Variants in PTPN14 observed in about 807,000 individuals in gnomAD.
The protein encoded by PTPN14 is protein tyrosine phosphatase non-receptor type 14, also known as tyrosine-protein phosphatase non-receptor type 14.
PTPN14 carries 53 observed loss-of-function variants against 126.8 expected under a neutral mutation model. The observed-to-expected ratio is 0.42, with a 90% CI of 0.34 to 0.53. The LOEUF is 0.53. Among genes scored for constraint, PTPN14 ranks in the 20% least tolerant of loss-of-function variants. The pLI is 0.08. For synonymous variants in PTPN14, 630 were observed against 599.3 expected, an observed-to-expected ratio of 1.05 and a Z score of -0.75; for missense variants, 1,257 against 1,552.9, an observed-to-expected ratio of 0.81 and a Z score of 3.20.
At chr1:214,402,984 T>C (rs1324431917) in intron 5 of PTPN14, 31 bp from the exon 6 acceptor site, 4 of 1,606,120 alleles carry the variant, frequency 2.5e-6, no homozygotes, top group Admixed American at 3.3e-5. Context: ...TAAGGTCACA[T>C]GAGGGTGTGG....
Position 214,384,398 on chromosome 1 carries a change from C to T in PTPN14, c.1457G>A (p.Ser486Asn). Reference sequence around the variant, plus strand: ...GTGCCTCTCCCGCATCTCCGGTTGGCTGTACACCAGATCCTCTGGCTGGTT... The same window carrying T: ...GTGCCTCTCCCGCATCTCCGGTTGGTTGTACACCAGATCCTCTGGCTGGTT... ...AYNQPEDLVY[S>N]QPEMRERHPY... The change falls in exon 13 of 19, where the codon AGC becomes AAC. Residue 486 changes from serine (S) to asparagine (N), a missense_variant. Around this residue, in one of 3 missense-constraint regions of PTPN14, gnomAD observed 1,021 missense variants for 1,183.3 expected, o/e 0.86. Transcript: ENST00000366956. This position sits in a 1 kb window ranked among gnomAD's most constrained non-coding sequence, Gnocchi z 5.3. 1 of 1,614,158 alleles carries T rather than the reference C, an allele frequency of 6.2e-7. No homozygotes were observed. Among genetic ancestry groups the T allele is most frequent in the Non-Finnish European group, 8.5e-7 (1 of 1,180,030 alleles).
chr1:214,486,991 C>G (rs1318823870), intron 1 of PTPN14, among the ~76,000 whole-genome samples: 1 of 151,932 alleles, frequency 6.6e-6, no homozygotes, highest in African/African-American at 2.4e-5. Context: ...CCCAAAGCAT[C>G]TATTTTTTTT....
chr1:214,423,836 C>A (rs1027573181), intron 3 of PTPN14, among the ~76,000 whole-genome samples: 1 of 151,918 alleles, frequency 6.6e-6, no homozygotes, highest in African/African-American at 2.4e-5. Flanking sequence ...CAAAAATTAG[C>A]CAGGCATGGT....
chr1:214,521,904 T>TA (rs1353442859), intron 1 of PTPN14, among the ~76,000 whole-genome samples: 1 of 151,746 alleles, frequency 6.6e-6, no homozygotes, highest in African/African-American at 2.4e-5. Context: ...TTTTTTTTTT[T>TA]ACTTAATCTT....
intron 5 of PTPN14, among the ~76,000 whole-genome samples, chr1:214,405,978 TC>T (rs1355624080): frequency 6.6e-5 from 10 of 151,992 alleles, no homozygotes; most frequent in Non-Finnish European, 1.0e-4. Context: ...CAACCACAGG[TC>T]ACAGTGCACC....
At chr1:214,370,483 C>T (rs1313696037) in intron 16 of PTPN14, among the ~76,000 whole-genome samples, 3 of 151,944 alleles carry the variant, frequency 2.0e-5, no homozygotes, top group African/African-American at 4.8e-5. Flanking sequence ...CTGTAGGTCA[C>T]GTTACTCCTT....
At chr1:214,520,973 G>C (rs960730947) in intron 1 of PTPN14, among the ~76,000 whole-genome samples, 4 of 151,848 alleles carry the variant, frequency 2.6e-5, no homozygotes, top group African/African-American at 4.8e-5. Flanking sequence ...GTAACACTGG[G>C]GTAAATAAAA....
chr1:214,384,279 T>C lies in PTPN14; in HGVS notation c.1576A>G (p.Ser526Gly). Reference protein sequence around the residue: ...QRNPKNNVVPSKPGASAISHT... With the variant: ...QRNPKNNVVPGKPGASAISHT... ...GAGATGGCGCTTGCCCCCGGCTTGC[T>C]TGGTACCACATTATTCTTTGGGTTC... is the stretch of plus-strand genomic sequence containing the variant. Residue 526 changes from serine to glycine, a missense_variant, in exon 13 of 19, where the codon AGC becomes GGC. By Grantham distance (56) the Ser-to-Gly change is moderately conservative. Coordinates refer to ENST00000366956, the MANE Select transcript of PTPN14 (RefSeq NM_005401.5). The surrounding 1 kb of genome is among the most constrained non-coding windows in gnomAD (Gnocchi z 5.3). The C allele has an allele frequency of 6.2e-7, 1 of 1,614,184 alleles. No individual in the cohort carries two copies.
chr1:214,445,258 C>A (rs1660117653), intron 3 of PTPN14, among the ~76,000 whole-genome samples: 1 of 152,106 alleles, frequency 6.6e-6, no homozygotes, highest in South Asian at 2.1e-4. Context: ...ATAGAGGGTA[C>A]TTGGAACAGG....
At chr1:214,528,800 A>T (rs987441252) in intron 1 of PTPN14, 3 of 152,202 alleles carry the variant, frequency 2.0e-5, no homozygotes, top group Admixed American at 1.3e-4. Flanking sequence ...GCATGGTGGT[A>T]TATGCCTATA....
intron 15 of PTPN14, among the ~76,000 whole-genome samples, chr1:214,373,265 G>A (rs1658262038): frequency 6.6e-6 from 1 of 152,114 alleles, no homozygotes; most frequent in African/African-American, 2.4e-5. Flanking sequence ...CATTGGCCAG[G>A]CTGGTCTTGA....
At chr1:214,498,046 T>C (rs11809713) in intron 1 of PTPN14, among the ~76,000 whole-genome samples, 3,755 of 152,306 alleles carry the variant, frequency 0.025, 162 homozygotes, top group African/African-American at 0.086. Flanking sequence ...TTATATTTTC[T>C]ATAATGATCA....
intron 1 of PTPN14, among the ~76,000 whole-genome samples, chr1:214,524,545 G>A (rs1031277763): frequency 4.6e-5 from 7 of 151,998 alleles, no homozygotes; most frequent in African/African-American, 7.3e-5. Flanking sequence ...CCAGCTCCTC[G>A]GAAGGCTGAG....
intron 1 of PTPN14, among the ~76,000 whole-genome samples, chr1:214,478,748 C>T (rs969447633): frequency 5.3e-5 from 8 of 152,076 alleles, no homozygotes; most frequent in Non-Finnish European, 8.8e-5. Flanking sequence ...TATCTTCACA[C>T]GTCCAATTTA....
At chr1:214,409,293 T>C (rs1410553483) in intron 5 of PTPN14, among the ~76,000 whole-genome samples, 1 of 152,228 alleles carries the variant, frequency 6.6e-6, no homozygotes, top group Admixed American at 6.5e-5. Context: ...AAGTTCAACT[T>C]CTTTTGATTC....
intron 1 of PTPN14, among the ~76,000 whole-genome samples, chr1:214,486,407 A>G (rs4233307): frequency 0.91 from 139,200 of 152,262 alleles, 63,747 homozygotes; most frequent in African/African-American, 0.97. Flanking sequence ...CTTCCAGAAT[A>G]TCTTAAAGTA....
chr1:214,452,518 CTT>C (rs1202555053), intron 2 of PTPN14, among the ~76,000 whole-genome samples: 12 of 152,208 alleles, frequency 7.9e-5, no homozygotes, highest in Non-Finnish European at 1.5e-4. Flanking sequence ...GTATCATCCT[CTT>C]CCACTTTATT....
intron 2 of PTPN14, among the ~76,000 whole-genome samples, chr1:214,455,812 G>A (rs528068286): frequency 2.6e-4 from 39 of 152,268 alleles, no homozygotes; most frequent in Non-Finnish European, 4.3e-4. Flanking sequence ...GCAGGTTGGT[G>A]TGTGGATACT....
intron 2 of PTPN14, among the ~76,000 whole-genome samples, chr1:214,457,757 C>T (rs1259360863): frequency 6.6e-6 from 1 of 152,086 alleles, no homozygotes; most frequent in Non-Finnish European, 1.5e-5. Context: ...AATATCATTG[C>T]AACCTGTACT....
Sources: gnomAD v4.1 joint callset for allele counts (sites outside exome capture counted in the v4.1 genomes callset) on GRCh38, gnomAD v4.1.1 for gene constraint, gnomAD v4.1.1 regional missense constraint, Gnocchi (gnomAD v3.1) non-coding constraint, MANE v1.5 for transcripts, NCBI Gene and HGNC (gene_info 2026-07-23, HGNC 2026-07-21) for gene names.